The following POC1B variants were observed in gnomAD, a reference collection of about 807,000 sequenced individuals.
The protein encoded by POC1B is POC1 centriolar protein homolog B.
POC1B carries 44 observed loss-of-function variants against 60.6 expected under a neutral mutation model. That is an observed-to-expected ratio of 0.73 (90% CI 0.57 to 0.93). POC1B has a LOEUF of 0.93. Among genes scored for constraint, POC1B ranks in the 40% least tolerant of loss-of-function variants. POC1B has a pLI of 0.00. For missense variants in POC1B, 555 were observed against 572.3 expected (o/e 0.97, Z 0.31); for synonymous variants, 180 against 198.9 (o/e 0.90, Z 0.80).
chr12:89,418,406 T>A (rs568080615), downstream of POC1B, among the ~76,000 whole-genome samples: 2 of 152,272 alleles, frequency 1.3e-5, no homozygotes, highest in African/African-American at 2.4e-5. Context: ...CCTGAAGTGT[T>A]CTGTGCTGAA....
intron 2 of POC1B, among the ~76,000 whole-genome samples, chr12:89,499,425 A>G (rs1869432401): frequency 1.3e-5 from 2 of 152,282 alleles, no homozygotes; most frequent in African/African-American, 2.4e-5. Context: ...GATGGAATCA[A>G]TTGTACCCCA....
intron 11 of POC1B, among the ~76,000 whole-genome samples, chr12:89,424,262 G>C (rs921831247): frequency 9.2e-5 from 14 of 152,194 alleles, no homozygotes; most frequent in African/African-American, 3.1e-4. Context: ...TTAAAAGACT[G>C]ATGCTAGGGG....
At chr12:89,518,086 C>T (rs1036925724) in intron 2 of POC1B, among the ~76,000 whole-genome samples, 4 of 142,352 alleles carry the variant, frequency 2.8e-5, no homozygotes, top group African/African-American at 7.7e-5. Flanking sequence ...TCTAATTTTC[C>T]TTTTTTTTTT....
the POC1B span, among the ~76,000 whole-genome samples, chr12:89,409,237 C>T: frequency 7.2e-5 from 11 of 152,206 alleles, no homozygotes; most frequent in East Asian, 3.9e-4. Flanking sequence ...TTTTCTTCTA[C>T]GGTTTTTAAT....
intron 9 of POC1B, 151 bp downstream of exon 9, chr12:89,466,619 C>T (rs1030028489): frequency 7.8e-6 from 5 of 638,278 alleles, no homozygotes; most frequent in Non-Finnish European, 9.9e-6. Context: ...AACTTTATTA[C>T]ACACTATAGT....
intron 2 of POC1B, among the ~76,000 whole-genome samples, chr12:89,505,890 G>A (rs1869870685): frequency 6.6e-6 from 1 of 152,162 alleles, no homozygotes; most frequent in South Asian, 2.1e-4. Context: ...GGAGGAAAAA[G>A]AGTCAAAATC....
rs1390144148 is a variant in POC1B at position 89,488,366 on chromosome 12, CTGATGACTGATGTA to C, written c.452+3556_452+3569del. ...GGGTTACATGGTCTGCCGATTCCCT[CTGATGACTGATGTA>C]TATACAGATATGAGAGTTATTAGAA... On this transcript the variant is annotated intron_variant, in intron 4 of 11. Transcript: ENST00000313546. Among the ~76,000 whole-genome samples, 8 of 152,332 alleles carry C rather than the reference CTGATGACTGATGTA, an allele frequency of 5.3e-5. No individual in the cohort carries two copies. In the East Asian group the frequency reaches 1.5e-3, roughly 29 times the overall value.
At chr12:89,460,844 A>G (rs994648534) in intron 9 of POC1B, 3 of 152,240 alleles carry the variant, frequency 2.0e-5, no homozygotes, top group Non-Finnish European at 4.4e-5. Context: ...GATTACCTAG[A>G]GTGGTGACTA....
At chr12:89,403,993 G>A in the POC1B span, among the ~76,000 whole-genome samples, 8 of 152,110 alleles carry the variant, frequency 5.3e-5, no homozygotes, top group Non-Finnish European at 7.4e-5. Context: ...TTAGCCAGGC[G>A]TGGTGGCGCA....
chr12:89,462,227 G>A (rs10858868), intron 9 of POC1B, among the ~76,000 whole-genome samples: 2 of 151,888 alleles, frequency 1.3e-5, no homozygotes, highest in Admixed American at 1.3e-4. Context: ...CTGAGGGGGT[G>A]ATATGGTTAA....
At chr12:89,402,570 T>C in the POC1B span, among the ~76,000 whole-genome samples, 1 of 152,150 alleles carries the variant, frequency 6.6e-6, no homozygotes, top group Non-Finnish European at 1.5e-5. Context: ...TCCTTCTTTG[T>C]GTTCATAAGT....
At chr12:89,430,303 G>T (rs1880977738) in intron 10 of POC1B, among the ~76,000 whole-genome samples, 2 of 152,086 alleles carry the variant, frequency 1.3e-5, no homozygotes, top group Non-Finnish European at 2.9e-5. Context: ...CTCTTAAAAG[G>T]TTCTTTAAAT....
chr12:89,525,224 A>G lies in POC1B; in HGVS notation c.16-20T>C, dbSNP rs182017184. The G allele has an allele frequency of 1.7e-5, 27 of 1,596,972 alleles. No homozygotes were observed. The African/African-American group carries it at 2.7e-4, about 16-fold the overall frequency. On this transcript the variant is annotated intron_variant, in intron 1 of 11. Coordinates refer to ENST00000313546, the MANE Select transcript of POC1B (RefSeq NM_172240.3). ...GTCCTCCTGGAAAGGAAAGTTGTCA[A>G]GTTTTGAAAGCCGCCGCAGACCTCG...
At chr12:89,406,275 G>C in the POC1B span, among the ~76,000 whole-genome samples, 1 of 152,130 alleles carries the variant, frequency 6.6e-6, no homozygotes, top group Non-Finnish European at 1.5e-5. Context: ...TATTACAAAA[G>C]TTAATACATA....
intron 10 of POC1B, among the ~76,000 whole-genome samples, chr12:89,443,446 A>C (rs1207141628): frequency 6.6e-6 from 1 of 152,146 alleles, no homozygotes; most frequent in Non-Finnish European, 1.5e-5. Context: ...AGGATTAAGA[A>C]ACTCACTCAA....
intron 4 of POC1B, among the ~76,000 whole-genome samples, chr12:89,490,825 T>C (rs1868926551): frequency 6.6e-6 from 1 of 152,202 alleles, no homozygotes; most frequent in Non-Finnish European, 1.5e-5. Context: ...GCGTCAAATC[T>C]GATGTGACAG....
intron 9 of POC1B, chr12:89,459,953 A>G (rs1174623614): frequency 2.1e-6 from 1 of 483,612 alleles, no homozygotes; most frequent in Non-Finnish European, 3.7e-6. Context: ...AAAGGTTTTC[A>G]CTTTAGAAAA....
At chr12:89,517,352 G>A (rs1870489145) in intron 2 of POC1B, among the ~76,000 whole-genome samples, 1 of 152,122 alleles carries the variant, frequency 6.6e-6, no homozygotes, top group African/African-American at 2.4e-5. Context: ...GCACTCTATG[G>A]CTGGGTGCAG....
chr12:89,440,620 T>C (rs1425446239), intron 10 of POC1B, among the ~76,000 whole-genome samples: 1 of 152,180 alleles, frequency 6.6e-6, no homozygotes, highest in Admixed American at 6.5e-5. Flanking sequence ...AGAAACCCCA[T>C]CTCTACTAAA....
Sources: gnomAD v4.1 joint callset for allele counts (sites outside exome capture counted in the v4.1 genomes callset) on GRCh38, gnomAD v4.1.1 for gene constraint, MANE v1.5 for transcripts, NCBI Gene and HGNC (gene_info 2026-07-23, HGNC 2026-07-21) for gene names.